Variants in SASH1 observed in about 807,000 individuals in gnomAD.
The protein encoded by SASH1 is SAM and SH3 domain containing 1.
In SASH1, 44 loss-of-function variants were observed where a neutral mutation model predicts 125.2. The ratio of observed to expected loss-of-function variants is 0.35; its 90% CI spans 0.28 to 0.45. The LOEUF is 0.45. SASH1 is among the 20% of genes least tolerant of loss of function. The pLI is 1.00. For missense variants in SASH1, 1,426 were observed against 1,614.5 expected (o/e 0.88, Z 2.00); for synonymous variants, 639 against 649.1 (o/e 0.98, Z 0.24).
At chr6:148,256,503 G>A in the SASH1 span, among the ~76,000 whole-genome samples, 2 of 152,128 alleles carry the variant, frequency 1.3e-5, no homozygotes, top group African/African-American at 4.8e-5. Flanking sequence ...ATGCACATCT[G>A]TAGTACAATG....
rs751231848 is a variant in SASH1 at position 148,532,918 on chromosome 6, C to T, written c.1686C>T (p.His562=). 3.1e-6 allele frequency: 5 copies of T among 1,614,114 alleles called. No individual in the cohort carries two copies. Among genetic ancestry groups the T allele is most frequent in the Admixed American group, 3.3e-5 (2 of 60,012 alleles). Reference sequence around the variant, plus strand: ...CGTTCTGCGGGCGTGCCAGGGTGCACACCGACTTCACCCCCAGTCCCTATG... The same window carrying T: ...CGTTCTGCGGGCGTGCCAGGGTGCATACCGACTTCACCCCCAGTCCCTATG... ...RGPFCGRARV[H]TDFTPSPYDT... The change falls in exon 14 of 20, where the codon CAC becomes CAT. Residue 562 remains histidine, a synonymous_variant. Coordinates refer to ENST00000367467, the MANE Select transcript of SASH1 (RefSeq NM_015278.5). The surrounding 1 kb of genome is among the most constrained non-coding windows in gnomAD (Gnocchi z 4.7).
the SASH1 span, among the ~76,000 whole-genome samples, chr6:148,206,793 G>GCGCACACACACACA: frequency 7.4e-5 from 10 of 134,462 alleles, no homozygotes; most frequent in African/African-American, 2.5e-4. Context: ...CCATCTCAAA[G>GCGCACACACACACA]CACACACACA....
At chr6:148,201,475 T>TC in the SASH1 span, among the ~76,000 whole-genome samples, 1 of 151,982 alleles carries the variant, frequency 6.6e-6, no homozygotes, top group Non-Finnish European at 1.5e-5. Flanking sequence ...ACTGTGCATC[T>TC]CCCCCCAGAG....
At chr6:148,453,183 G>A (rs192997965) in intron 4 of SASH1, among the ~76,000 whole-genome samples, 26 of 152,304 alleles carry the variant, frequency 1.7e-4, no homozygotes, top group South Asian at 8.3e-4. Flanking sequence ...GTCCTTTGCC[G>A]GTGGCAGGCT....
rs569856488 is a variant in SASH1, at chr6:148,289,368, G to A, written n.74+16991G>A. On this transcript the variant is annotated intron_variant and non_coding_transcript_variant, in intron 1 of 3. Transcript: ENST00000367469. ...CTGGTCCCTTCCTGTGGAAAGGCGT[G>A]AGCCTATCTAACTTCACATGCCTCA... is the stretch of plus-strand genomic sequence containing the variant. 6.6e-5 allele frequency among the ~76,000 whole-genome samples: 10 copies of A among 152,290 alleles called. No individual in the cohort carries two copies. In the South Asian group the frequency reaches 2.1e-3, roughly 32 times the overall value.
At chr6:148,525,424 T>C in intron 11 of SASH1, 59 bp downstream of exon 11, 1 of 1,288,062 alleles carries the variant, frequency 7.8e-7, no homozygotes. Flanking sequence ...TTGACAATAG[T>C]TCACCATTGA....
Position 148,474,267 on chromosome 6 carries a change from T to C in SASH1, c.627+45T>C, listed in dbSNP as rs141704041. The C allele has an allele frequency of 3.2e-6, 4 of 1,245,316 alleles. No homozygotes were observed. In the East Asian group the frequency reaches 1.0e-4, roughly 31 times the overall value. 77.1% of individuals were successfully genotyped at this position (1,245,316 alleles called of 1,614,324 possible). A position where few individuals can be genotyped will look rare whatever the true frequency, so the allele number is the denominator to read the frequency against. The stretch of plus-strand genomic sequence containing the variant: ...GTTTATATTTGTGAGGACTTGACTT[T>C]CTGAAGTGTAAAAATGTTTGCGGCC... On this transcript the variant is annotated intron_variant, in intron 7 of 19. Coordinates refer to ENST00000367467, the MANE Select transcript of SASH1 (RefSeq NM_015278.5).
At chr6:148,371,190 T>A (rs1269801452) in intron 1 of SASH1, among the ~76,000 whole-genome samples, 1 of 152,162 alleles carries the variant, frequency 6.6e-6, no homozygotes, top group Non-Finnish European at 1.5e-5. Flanking sequence ...TGGGCTAATA[T>A]TTAAGAGAAA....
the SASH1 span, among the ~76,000 whole-genome samples, chr6:148,241,101 A>G: frequency 1.3e-5 from 2 of 152,224 alleles, no homozygotes; most frequent in African/African-American, 4.8e-5. Context: ...GGGGAAAAAA[A>G]ATATCCACTG....
At chr6:148,340,351 T>G (rs1781284536), upstream of SASH1, among the ~76,000 whole-genome samples, 1 of 151,706 alleles carries the variant, frequency 6.6e-6, no homozygotes, top group African/African-American at 2.4e-5. Flanking sequence ...GGCGTGGTGG[T>G]GCATGCCTGT....
intron 1 of SASH1, among the ~76,000 whole-genome samples, chr6:148,376,501 C>A (rs1782897715): frequency 6.6e-6 from 1 of 152,174 alleles, no homozygotes; most frequent in South Asian, 2.1e-4. Flanking sequence ...AAGCGCTCAT[C>A]ACCACAAAAG....
the SASH1 span, among the ~76,000 whole-genome samples, chr6:148,229,385 T>A: frequency 5.4e-3 from 823 of 152,170 alleles, 4 homozygotes; most frequent in Admixed American, 9.6e-3. Flanking sequence ...CTAAAATGTA[T>A]CATTCAACAA....
intron 1 of SASH1, among the ~76,000 whole-genome samples, chr6:148,337,642 G>A (rs117658001): frequency 0.079 from 12,081 of 152,188 alleles, 752 homozygotes; most frequent in East Asian, 0.32. Flanking sequence ...GATTACAGAC[G>A]TGAGCCACTG....
upstream of SASH1, chr6:148,272,282 G>T (rs1212896388): frequency 2.2e-6 from 1 of 463,716 alleles, no homozygotes; most frequent in Non-Finnish European, 4.5e-6. Context: ...CCTTACATCA[G>T]TGCTGCAGAT....
At chr6:148,248,455 G>A in the SASH1 span, among the ~76,000 whole-genome samples, 8 of 152,172 alleles carry the variant, frequency 5.3e-5, no homozygotes, top group South Asian at 2.1e-4. Context: ...GCGGCATAAC[G>A]TGCAGAATTC....
intron 9 of SASH1, among the ~76,000 whole-genome samples, chr6:148,515,631 G>A (rs1392001742): frequency 1.3e-5 from 2 of 152,098 alleles, no homozygotes; most frequent in Admixed American, 6.5e-5. Flanking sequence ...GTATCTTTTT[G>A]CGTGGTAATT....
chr6:148,498,889 G>C (rs1191227524), intron 8 of SASH1, among the ~76,000 whole-genome samples: 1 of 152,084 alleles, frequency 6.6e-6, no homozygotes, highest in East Asian at 1.9e-4. Context: ...TTATTTAATG[G>C]ATGGGTTGGG....
At chr6:148,505,070 A>G (rs1178245669) in intron 8 of SASH1, among the ~76,000 whole-genome samples, 1 of 152,196 alleles carries the variant, frequency 6.6e-6, no homozygotes, top group Non-Finnish European at 1.5e-5. Context: ...TTACCTGCCA[A>G]GCTCTAGACT....
At chr6:148,480,564 GAGA>G (rs1778573977) in intron 7 of SASH1, 1 of 152,208 alleles carries the variant, frequency 6.6e-6, no homozygotes, top group African/African-American at 2.4e-5. Flanking sequence ...CTCAACAGGA[GAGA>G]AGATGGTCTT....
Sources: gnomAD v4.1 joint callset for allele counts (sites outside exome capture counted in the v4.1 genomes callset) on GRCh38, gnomAD v4.1.1 for gene constraint, Gnocchi (gnomAD v3.1) non-coding constraint, MANE v1.5 for transcripts, NCBI Gene and HGNC (gene_info 2026-07-23, HGNC 2026-07-21) for gene names.